PRPF8: variants seen among roughly 807,000 people sequenced by gnomAD.
PRPF8 encodes pre-mRNA-processing-splicing factor 8.
A neutral mutation model predicts 285.9 loss-of-function variants in PRPF8; 64 were observed. The observed-to-expected ratio is 0.22, with a 90% CI of 0.18 to 0.28. The LOEUF (loss-of-function observed/expected upper bound fraction) is 0.28. Among genes scored for constraint, PRPF8 ranks in the 10% least tolerant of loss-of-function variants. PRPF8 has a pLI of 1.00. For synonymous variants in PRPF8, 1,325 were observed against 1,118.2 expected (o/e 1.18, Z -3.69); for missense variants, 1,426 against 3,026.7 (o/e 0.47, Z 12.41).
In PRPF8 at chr17:1,684,587, G is replaced by T. The variant is rs1913135880; in HGVS notation, c.-11-5C>A. 2 of 1,611,858 alleles carry T rather than the reference G, an allele frequency of 1.2e-6. No individual in the cohort carries two copies. Among genetic ancestry groups the T allele is most frequent in the Admixed American group, 3.3e-5 (2 of 60,000 alleles). ...CTCCGGCCATATCCGGAGAATCTGG[G>T]GAGCGGCGGGATAGAAAAATTCACT... is the stretch of plus-strand genomic sequence containing the variant. On this transcript the variant is annotated splice_polypyrimidine_tract_variant and splice_region_variant and intron_variant, in intron 1 of 42. Transcript: ENST00000304992.
intron 24 of PRPF8, among the ~76,000 whole-genome samples, chr17:1,669,635 G>GT (rs1912200216): frequency 6.6e-6 from 1 of 152,082 alleles, no homozygotes; most frequent in Non-Finnish European, 1.5e-5. Flanking sequence ...TACTATTTCT[G>GT]TAACAGCTCC....
chr17:1,674,227 T>C, intron 21 of PRPF8, among the ~76,000 whole-genome samples: 1 of 152,166 alleles, frequency 6.6e-6, no homozygotes, highest in East Asian at 1.9e-4. Context: ...TTTCACTGTG[T>C]TAGCCAGGAT....
intron 37 of PRPF8, chr17:1,654,816 G>A (rs1433152761): frequency 6.2e-6 from 1 of 161,962 alleles, no homozygotes; most frequent in Non-Finnish European, 1.4e-5. Context: ...TTTTTTGGTA[G>A]AGATGGCGTC....
chr17:1,653,717 G>T lies in PRPF8; in HGVS notation c.6228-34C>A, dbSNP rs781446697. ...AGGCAGGGAGTGTCAGCATCGCTCA[G>T]CCCAGCACCTTAGGTAGTGCAGCCG... On this transcript the variant is annotated intron_variant, in intron 38 of 42. Transcript: ENST00000304992. The surrounding 1 kb of genome is among the most constrained non-coding windows in gnomAD (Gnocchi z 4.9). 1.2e-6 allele frequency: 2 copies of T among 1,614,020 alleles called. No individual in the cohort carries two copies. The highest frequency in any genetic ancestry group is 2.7e-5 in the African/African-American group (2 of 74,896).
intron 12 of PRPF8, 51 bp from the exon 13 acceptor site, chr17:1,678,703 C>A (rs181663508): frequency 6.2e-7 from 1 of 1,614,150 alleles, no homozygotes; most frequent in Non-Finnish European, 8.5e-7. Context: ...GCTCCACGGT[C>A]AGCACAGGCT....
chr17:1,679,312 G>T lies in PRPF8; in HGVS notation c.1388C>A (p.Pro463His), dbSNP rs1370239889. The T allele has an allele frequency of 6.2e-7, 1 of 1,613,930 alleles. No homozygotes were observed. The highest frequency in any genetic ancestry group is 1.3e-5 in the African/African-American group (1 of 74,856). The change falls in exon 10 of 43, where the codon CCC (proline) becomes CAC (histidine). Residue 463 changes from proline (P) to histidine (H), a missense_variant. By Grantham distance (77) the Pro-to-His change is moderately conservative (BLOSUM62 -2). Coordinates refer to ENST00000304992, the MANE Select transcript of PRPF8 (RefSeq NM_006445.4). The surrounding 1 kb of genome is among the most constrained non-coding windows in gnomAD (Gnocchi z 4.7). ...YYVLNALKHR[P>H]PKAQKKRYLF... ...TTACCTCTTCTTTTGAGCCTTAGGGGGCCGATGCTTCAGGGCATTCAGCAC... is the reference window on the plus strand; with the variant it reads ...TTACCTCTTCTTTTGAGCCTTAGGGTGCCGATGCTTCAGGGCATTCAGCAC...
chr17:1,684,432 C>G (rs1471108674), intron 2 of PRPF8, 40 bp downstream of exon 2: 1 of 1,608,850 alleles, frequency 6.2e-7, no homozygotes, highest in Non-Finnish European at 8.5e-7. Flanking sequence ...CACACCCGCC[C>G]CGCCTCCGGC....
In PRPF8 at chr17:1,679,761, C is replaced by T. The variant is rs1912808285; in HGVS notation, c.1137G>A (p.Glu379=). Residue 379 remains glutamate (E), a synonymous_variant, in exon 9 of 43, where the codon GAG becomes GAA. Transcript: ENST00000304992. This position sits in a 1 kb window ranked among gnomAD's most constrained non-coding sequence, Gnocchi z 4.7. ...EPLPDDDEEF[E]LPEFVEPFLK... Reference sequence around the variant, plus strand: ...GGAAGGGCTCCACAAACTCCGGGAGCTCAAATTCCTCATCATCATCCGGCA... The same window carrying T: ...GGAAGGGCTCCACAAACTCCGGGAGTTCAAATTCCTCATCATCATCCGGCA... 1 of 1,614,176 alleles carries T rather than the reference C, an allele frequency of 6.2e-7. No individual in the cohort carries two copies. The highest frequency in any genetic ancestry group is 2.2e-5 in the East Asian group (1 of 44,876).
intron 5 of PRPF8, 25 bp downstream of exon 5, chr17:1,681,795 T>C: frequency 6.2e-7 from 1 of 1,612,996 alleles, no homozygotes; most frequent in Non-Finnish European, 8.5e-7. Context: ...TCCTCCCAGG[T>C]GTAGTATCTC....
In PRPF8 at chr17:1,651,604, G is replaced by A. The variant is rs375103607; in HGVS notation, c.6510+44C>T. 4.2e-5 allele frequency: 68 copies of A among 1,613,872 alleles called. No individual in the cohort carries two copies. Among genetic ancestry groups the A allele is most frequent in the Middle Eastern group, 1.6e-4 (1 of 6,084 alleles). ...TGAATCCCATCCACAGACAGGAATC[G>A]CACCAGCTTTTCCACACTCCCAGGC... On this transcript the variant is annotated intron_variant, in intron 40 of 42. Transcript: ENST00000304992. This position sits in a 1 kb window ranked among gnomAD's most constrained non-coding sequence, Gnocchi z 5.1.
rs376684274 is a variant in PRPF8, at chr17:1,661,085, T to C, written c.4416A>G (p.Thr1472=). ...GKLWNLNNYR[T]DMIQALGGVE... is the part of the protein sequence containing the mutation. ...CACCGCCCAGGGCCTGGATCATGTC[T>C]GTACGGTAGTTGTTCAGGTTCCAGA... Residue 1472 remains threonine, a synonymous_variant, in exon 28 of 43, where the codon ACA becomes ACG. Transcript: ENST00000304992. The surrounding 1 kb of genome is among the most constrained non-coding windows in gnomAD (Gnocchi z 7.3). 1.9e-6 allele frequency: 3 copies of C among 1,614,242 alleles called. No homozygotes were observed. The highest frequency in any genetic ancestry group is 8.5e-7 in the Non-Finnish European group (1 of 1,180,038).
At chr17:1,652,929 C>A (rs117256958) in intron 39 of PRPF8, 1 of 167,844 alleles carries the variant, frequency 6.0e-6, no homozygotes, top group African/African-American at 2.4e-5. Context: ...ACTACAGCCA[C>A]GTTTTTTTTG....
intron 24 of PRPF8, among the ~76,000 whole-genome samples, chr17:1,667,733 G>A (rs1413533836): frequency 6.6e-6 from 1 of 151,986 alleles, no homozygotes; most frequent in Non-Finnish European, 1.5e-5. Context: ...TAGTAGAGAT[G>A]GGGTTTCACC....
rs1283466454 is a variant in PRPF8, at chr17:1,655,551, A to C, written c.5794-8T>G. The C allele has an allele frequency of 6.2e-7, 1 of 1,607,112 alleles. No individual in the cohort carries two copies. The highest frequency in any genetic ancestry group is 1.3e-5 in the African/African-American group (1 of 74,876). On this transcript the variant is annotated splice_polypyrimidine_tract_variant and splice_region_variant and intron_variant, in intron 36 of 42. Transcript: ENST00000304992. ...GATGAGACGGGAGAAGGCCTGGGAA[A>C]AGATTTGGAAGAGTGGGGTAGGTCA...
chr17:1,677,829 AG>A (rs1268995970), intron 13 of PRPF8, 135 bp from the exon 14 acceptor site: 3 of 1,185,608 alleles, frequency 2.5e-6, no homozygotes, highest in East Asian at 2.4e-5. Flanking sequence ...AGGGGTAAAA[AG>A]AAAAAAAAAC....
intron 24 of PRPF8, among the ~76,000 whole-genome samples, chr17:1,668,903 A>G (rs1912150580): frequency 6.6e-6 from 1 of 152,094 alleles, no homozygotes; most frequent in African/African-American, 2.4e-5. Flanking sequence ...CCCTAATACC[A>G]TGAAATTCAC....
rs1480632921 is a variant in PRPF8 at position 1,659,700 on chromosome 17, G to A, written c.4946+141C>T. On this transcript the variant is annotated intron_variant, in intron 31 of 42. Coordinates refer to ENST00000304992, the MANE Select transcript of PRPF8 (RefSeq NM_006445.4). The surrounding 1 kb of genome is among the most constrained non-coding windows in gnomAD (Gnocchi z 5.1). ...CCAGAGAATCAGCAGATCTGACTAA[G>A]GGTGTTGACAGGCTCCAAGCGTAGC... 4.1e-5 allele frequency: 55 copies of A among 1,349,830 alleles called. No individual in the cohort carries two copies. The highest frequency in any genetic ancestry group is 5.7e-5 in the Non-Finnish European group (55 of 967,520). 83.6% of individuals were successfully genotyped at this position (1,349,830 alleles called of 1,614,324 possible). A position where few individuals can be genotyped will look rare whatever the true frequency, so the allele number is the denominator to read the frequency against.
intron 20 of PRPF8, among the ~76,000 whole-genome samples, chr17:1,674,944 G>C (rs913026842): frequency 6.6e-6 from 1 of 151,824 alleles, no homozygotes; most frequent in Non-Finnish European, 1.5e-5. Flanking sequence ...ACTAATTTTT[G>C]TATTTTTTTA....
chr17:1,650,794 G>A lies in PRPF8; in HGVS notation c.*8C>T. Reference sequence around the variant, plus strand: ...CTCGGGAGGCTGAAGCAGGAGGCAGGGAAACGGTCAGGCATACAGGTCCTC... The same window carrying A: ...CTCGGGAGGCTGAAGCAGGAGGCAGAGAAACGGTCAGGCATACAGGTCCTC... On this transcript the variant is annotated 3_prime_UTR_variant, in exon 43 of 43. Transcript: ENST00000304992. The A allele has an allele frequency of 6.2e-7, 1 of 1,613,758 alleles. No individual in the cohort carries two copies. The highest frequency in any genetic ancestry group is 8.5e-7 in the Non-Finnish European group (1 of 1,179,944).
Sources: allele counts gnomAD v4.1 joint callset (sites outside exome capture counted in the v4.1 genomes callset), GRCh38; gene constraint gnomAD v4.1.1; non-coding constraint Gnocchi (gnomAD v3.1); transcripts MANE v1.5; gene names NCBI Gene and HGNC (gene_info 2026-07-23, HGNC 2026-07-21).